LCOR: variants seen among roughly 807,000 people sequenced by gnomAD.
The protein encoded by LCOR is ligand-dependent corepressor.
Under a neutral mutation model 64.4 loss-of-function variants are expected in LCOR, and 14 were observed. The ratio of observed to expected loss-of-function variants is 0.22; its 90% CI spans 0.14 to 0.34. The LOEUF (loss-of-function observed/expected upper bound fraction) is 0.34, where lower values mean the gene tolerates loss of function less well. Ranked by LOEUF, LCOR falls within the 10% of genes least tolerant of loss-of-function variation. The pLI is 1.00. For synonymous variants in LCOR, 643 were observed against 642.5 expected (o/e 1.00, Z -0.01); for missense variants, 1,686 against 1,765.3 (o/e 0.96, Z 0.80).
At chr10:96,865,501 T>C (rs889177197) in intron 2 of LCOR, among the ~76,000 whole-genome samples, 12 of 151,726 alleles carry the variant, frequency 7.9e-5, no homozygotes, top group African/African-American at 2.4e-4. Flanking sequence ...TTTTATCGTG[T>C]TTAATTGAGA....
In LCOR at chr10:96,832,328, A is replaced by C. The variant is rs1845348389; in HGVS notation, c.-475A>C. 5 of 984,136 alleles carry C rather than the reference A, an allele frequency of 5.1e-6. No individual in the cohort carries two copies. The highest frequency in any genetic ancestry group is 6.0e-6 in the Non-Finnish European group (5 of 829,470). 61.0% of individuals were successfully genotyped at this position (984,136 alleles called of 1,614,324 possible). ...ATGGCGAGGGTGTGTAGGCGGCAGCAATGCTCCGTTGAGAGACGCGGCTTT... is the reference window on the plus strand; with the variant it reads ...ATGGCGAGGGTGTGTAGGCGGCAGCCATGCTCCGTTGAGAGACGCGGCTTT... On this transcript the variant is annotated 5_prime_UTR_variant, in exon 1 of 8. Coordinates refer to ENST00000421806, the MANE Select transcript of LCOR (RefSeq NM_001346516.2).
rs1847882945 is a variant in LCOR, at chr10:96,961,706, G to A, written c.332+9510G>A. 1.3e-5 allele frequency: 2 copies of A among 151,832 alleles called. 1 individual carries two copies. The highest frequency in any genetic ancestry group is 4.1e-4 in the South Asian group (2 of 4,820). The allele number at this position is 151,832 out of a possible 1,614,324, so 9.4% of individuals were successfully genotyped here. The stretch of plus-strand genomic sequence containing the variant: ...ATAGTGTGTAAGGGGACTAGGGGTG[G>A]GGGGTTGGGGGTAGTTGGACACAGG... On this transcript the variant is annotated intron_variant, in intron 7 of 7. Coordinates refer to ENST00000421806, the MANE Select transcript of LCOR (RefSeq NM_001346516.2).
chr10:96,949,361 A>C, intron 6 of LCOR, 66 bp downstream of exon 6: 1 of 1,401,762 alleles, frequency 7.1e-7, no homozygotes. Flanking sequence ...GAAAAAAAAA[A>C]GCATTGGCAA....
In LCOR at chr10:96,949,323, A is replaced by G. The variant is rs376163076; in HGVS notation, c.238+28A>G. Reference sequence around the variant, plus strand: ...ATGGTTTGATGTCAAGGTCTCCTCTATCTTATCAGAATACTTTACTTTGGG... The same window carrying G: ...ATGGTTTGATGTCAAGGTCTCCTCTGTCTTATCAGAATACTTTACTTTGGG... On this transcript the variant is annotated intron_variant, in intron 6 of 7. Coordinates refer to ENST00000421806, the MANE Select transcript of LCOR (RefSeq NM_001346516.2). 38 of 1,604,636 alleles carry G rather than the reference A, an allele frequency of 2.4e-5. No homozygotes were observed. The African/African-American group carries it at 3.5e-4, about 15-fold the overall frequency.
At chr10:96,905,344 A>AG (rs1846709515) in intron 2 of LCOR, among the ~76,000 whole-genome samples, 2 of 152,216 alleles carry the variant, frequency 1.3e-5, no homozygotes, top group Non-Finnish European at 2.9e-5. Flanking sequence ...CTTCAGGATA[A>AG]GACCTACTTA....
At chr10:96,854,434 C>G (rs1645495068) in intron 2 of LCOR, among the ~76,000 whole-genome samples, 1 of 152,138 alleles carries the variant, frequency 6.6e-6, no homozygotes, top group African/African-American at 2.4e-5. Flanking sequence ...TCAAGTGATT[C>G]TCCTGCCTCA....
At chr10:96,957,285 T>G (rs543830501) in intron 7 of LCOR, 5 of 985,328 alleles carry the variant, frequency 5.1e-6, no homozygotes, top group East Asian at 1.1e-4. Flanking sequence ...CATGGTTGTT[T>G]AGCACACAGT....
At chr10:96,850,548 G>T (rs1287909997) in intron 2 of LCOR, among the ~76,000 whole-genome samples, 1 of 152,036 alleles carries the variant, frequency 6.6e-6, no homozygotes, top group African/African-American at 2.4e-5. Flanking sequence ...AGTGCATGGT[G>T]TGATGATAGG....
chr10:96,982,722 T>C lies in LCOR; in HGVS notation c.2262T>C (p.Thr754=). 6.2e-7 allele frequency: 1 copy of C among 1,614,122 alleles called. No individual in the cohort carries two copies. Among genetic ancestry groups the C allele is most frequent in the Non-Finnish European group, 8.5e-7 (1 of 1,180,034 alleles). Residue 754 remains threonine, a synonymous_variant, in exon 8 of 8, where the codon ACT becomes ACC. Transcript: ENST00000421806. ...DPLLKESSTF[T]DENPSETEES... is the part of the protein sequence containing the mutation. ...TCTTGAAGGAAAGCAGCACTTTTAC[T>C]GATGAAAACCCCAGTGAAACTGAGG... is the stretch of plus-strand genomic sequence containing the variant.
intron 7 of LCOR, among the ~76,000 whole-genome samples, chr10:96,970,598 C>CATTTTATTTT (rs529698846): frequency 0.037 from 5,182 of 141,062 alleles, 181 homozygotes; most frequent in East Asian, 0.12. Context: ...TCCTAACCAG[C>CATTTTATTTT]ATTTTATTTT....
chr10:96,861,447 C>G (rs979280832), intron 2 of LCOR, among the ~76,000 whole-genome samples: 3 of 152,190 alleles, frequency 2.0e-5, no homozygotes, highest in Admixed American at 2.0e-4. Context: ...ATCTTCAACA[C>G]AGAACAGTTC....
rs1303595964 is a variant in LCOR, at chr10:96,978,205, T to C, written c.333-2588T>C. On this transcript the variant is annotated intron_variant, in intron 7 of 7. Coordinates refer to ENST00000421806, the MANE Select transcript of LCOR (RefSeq NM_001346516.2). ...AGTCTGCAGCTGCATGAGGATTCTG[T>C]TGAGCTCCTTTGTACATCTCATTGA... is the stretch of plus-strand genomic sequence containing the variant. Among the ~76,000 whole-genome samples, 3 of 152,230 alleles carry C rather than the reference T, an allele frequency of 2.0e-5. No homozygotes were observed. The East Asian group carries it at 5.8e-4, about 29-fold the overall frequency.
chr10:96,908,575 CTTTGT>C (rs1846770338), intron 4 of LCOR, among the ~76,000 whole-genome samples: 1 of 151,760 alleles, frequency 6.6e-6, no homozygotes, highest in African/African-American at 2.4e-5. Context: ...TGTTTTATTG[CTTTGT>C]TTTAAACATA....
At position 96,920,749 on chromosome 10, in the gene LCOR, T is replaced by TACACAC. The variant is rs1554837290; in HGVS notation, c.-184+13003_-184+13004insCACACA. 2.7e-4 allele frequency among the ~76,000 whole-genome samples: 22 copies of TACACAC among 80,410 alleles called. 1 individual carries two copies. The highest frequency in any genetic ancestry group is 9.3e-4 in the South Asian group (2 of 2,160). 52.8% of individuals were successfully genotyped at this position (80,410 alleles called of 152,430 possible). On this transcript the variant is annotated intron_variant, in intron 4 of 7. Transcript: ENST00000421806. The stretch of plus-strand genomic sequence containing the variant: ...ATGTTCATATATATGTGTATATATG[T>TACACAC]ATACACACACACACACACACACACA...
intron 2 of LCOR, among the ~76,000 whole-genome samples, chr10:96,848,389 G>T (rs1415057432): frequency 6.6e-6 from 1 of 151,866 alleles, no homozygotes; most frequent in East Asian, 1.9e-4. Flanking sequence ...TGGGCATGGT[G>T]GCTCACGCCT....
In LCOR at chr10:96,995,013, G is replaced by T. The variant is rs775877477; in HGVS notation, c.*9879G>T. ...AGGCTAGCATGAATGCCTTTGAGGG[G>T]CCAGGGGGCCATAGGAGGCCCATGC... On this transcript the variant is annotated 3_prime_UTR_variant, in exon 8 of 8. Coordinates refer to ENST00000421806, the MANE Select transcript of LCOR (RefSeq NM_001346516.2). This position sits in a 1 kb window ranked among gnomAD's most constrained non-coding sequence, Gnocchi z 4.2. 1 of 152,250 alleles carries T rather than the reference G, an allele frequency of 6.6e-6. No individual in the cohort carries two copies. The highest frequency in any genetic ancestry group is 2.4e-5 in the African/African-American group (1 of 41,458). 9.4% of individuals were successfully genotyped at this position (152,250 alleles called of 1,614,324 possible).
chr10:96,902,385 G>C (rs1296955855), intron 2 of LCOR, among the ~76,000 whole-genome samples: 1 of 152,176 alleles, frequency 6.6e-6, no homozygotes, highest in Non-Finnish European at 1.5e-5. Flanking sequence ...TGCTCAGGAG[G>C]AGAGGAAGAA....
intron 2 of LCOR, among the ~76,000 whole-genome samples, chr10:96,879,563 T>A (rs1483107102): frequency 6.6e-6 from 1 of 152,234 alleles, no homozygotes; most frequent in African/African-American, 2.4e-5. Context: ...AGAAATTATA[T>A]CTCATGGTGC....
chr10:96,975,149 C>T (rs1261036802), intron 7 of LCOR, among the ~76,000 whole-genome samples: 1 of 151,960 alleles, frequency 6.6e-6, no homozygotes, highest in Non-Finnish European at 1.5e-5. Context: ...CCAGCCTGGG[C>T]GACAGAGGGA....
Sources: gnomAD v4.1 joint callset for allele counts (sites outside exome capture counted in the v4.1 genomes callset) on GRCh38, gnomAD v4.1.1 for gene constraint, Gnocchi (gnomAD v3.1) non-coding constraint, MANE v1.5 for transcripts, NCBI Gene and HGNC (gene_info 2026-07-23, HGNC 2026-07-21) for gene names.